The following HSD17B12 variants were observed in gnomAD, a reference collection of about 807,000 sequenced individuals.
HSD17B12 encodes the protein very-long-chain 3-oxoacyl-CoA reductase.
HSD17B12 carries 32 observed loss-of-function variants against 39.3 expected under a neutral mutation model. The ratio of observed to expected loss-of-function variants is 0.81; its 90% CI spans 0.61 to 1.09. The LOEUF (loss-of-function observed/expected upper bound fraction) is 1.09, where lower values mean the gene tolerates loss of function less well. HSD17B12 is among the 50% of genes least tolerant of loss of function. HSD17B12 has a pLI of 0.00. For synonymous variants in HSD17B12, 150 were observed against 146.7 expected, an observed-to-expected ratio of 1.02 and a Z score of -0.16; for missense variants, 342 against 382.9, an observed-to-expected ratio of 0.89 and a Z score of 0.89.
the HSD17B12 span, among the ~76,000 whole-genome samples, chr11:43,651,211 G>A: frequency 6.6e-6 from 1 of 152,202 alleles, no homozygotes; most frequent in African/African-American, 2.4e-5. Context: ...AGAAGAAAGG[G>A]AGAGGATAAT....
intron 1 of HSD17B12, among the ~76,000 whole-genome samples, chr11:43,704,160 T>G (rs1949992411): frequency 6.6e-6 from 1 of 152,208 alleles, no homozygotes; most frequent in African/African-American, 2.4e-5. Context: ...TTAGATTTCA[T>G]TTTCTTTAAG....
intron 3 of HSD17B12, among the ~76,000 whole-genome samples, chr11:43,759,162 A>G (rs986497002): frequency 6.6e-6 from 1 of 152,170 alleles, no homozygotes; most frequent in Non-Finnish European, 1.5e-5. Context: ...TGATGAGGAA[A>G]TTACTTGACA....
the HSD17B12 span, among the ~76,000 whole-genome samples, chr11:43,596,118 T>A: frequency 1.0e-3 from 157 of 152,284 alleles, no homozygotes; most frequent in African/African-American, 3.6e-3. Flanking sequence ...CTGAAACTCC[T>A]GGCCTCAGGC....
intron 1 of HSD17B12, among the ~76,000 whole-genome samples, chr11:43,696,446 C>A (rs1464385574): frequency 1.3e-5 from 2 of 152,186 alleles, no homozygotes; most frequent in Non-Finnish European, 1.5e-5. Context: ...TAGAGAAATG[C>A]AAATCAAAAC....
the HSD17B12 span, among the ~76,000 whole-genome samples, chr11:43,613,364 C>A: frequency 2.6e-5 from 4 of 151,518 alleles, no homozygotes; most frequent in African/African-American, 9.7e-5. Context: ...CGCACTCCAG[C>A]CTGGCTAACA....
the HSD17B12 span, among the ~76,000 whole-genome samples, chr11:43,588,477 G>A: frequency 2.6e-5 from 4 of 152,050 alleles, no homozygotes; most frequent in Admixed American, 6.5e-5. Flanking sequence ...TTATCTTCTC[G>A]ATTTCTTCAT....
intron 1 of HSD17B12, among the ~76,000 whole-genome samples, chr11:43,699,295 T>C (rs1949941052): frequency 6.6e-6 from 1 of 152,170 alleles, no homozygotes; most frequent in South Asian, 2.1e-4. Context: ...TAGAGTTCTT[T>C]TTCTTTAGCT....
At chr11:43,820,364 T>C (rs909959944) in intron 6 of HSD17B12, among the ~76,000 whole-genome samples, 1 of 152,222 alleles carries the variant, frequency 6.6e-6, no homozygotes, top group African/African-American at 2.4e-5. Flanking sequence ...TGACGAAATT[T>C]GTGTGACGCT....
chr11:43,577,212 G>T, the HSD17B12 span, among the ~76,000 whole-genome samples: 1 of 152,232 alleles, frequency 6.6e-6, no homozygotes, highest in African/African-American at 2.4e-5. Context: ...AGTTCCGTGC[G>T]CCAGGGGGCG....
At chr11:43,784,708 A>G (rs1399453136) in intron 3 of HSD17B12, among the ~76,000 whole-genome samples, 1 of 152,192 alleles carries the variant, frequency 6.6e-6, no homozygotes, top group Non-Finnish European at 1.5e-5. Context: ...TATTACTAGC[A>G]GTATACTTAC....
the HSD17B12 span, among the ~76,000 whole-genome samples, chr11:43,588,037 G>A: frequency 6.6e-6 from 1 of 152,220 alleles, no homozygotes; most frequent in Non-Finnish European, 1.5e-5. Context: ...AACAGACATG[G>A]ATAGGTCTGT....
At chr11:43,560,075 A>T in the HSD17B12 span, among the ~76,000 whole-genome samples, 3 of 152,218 alleles carry the variant, frequency 2.0e-5, no homozygotes, top group African/African-American at 7.2e-5. Flanking sequence ...TAAAAATTTT[A>T]AATTTTTAGC....
chr11:43,812,891 G>T (rs1051531533), intron 4 of HSD17B12, among the ~76,000 whole-genome samples: 5 of 152,156 alleles, frequency 3.3e-5, no homozygotes, highest in Non-Finnish European at 7.4e-5. Context: ...ACCCATGCTG[G>T]AGTGCAGTGG....
At chr11:43,758,822 C>T (rs144631326) in intron 3 of HSD17B12, among the ~76,000 whole-genome samples, 49 of 152,278 alleles carry the variant, frequency 3.2e-4, no homozygotes, top group African/African-American at 1.2e-3. Flanking sequence ...AATTAACAGC[C>T]AGGGTTAATT....
chr11:43,592,986 A>G, the HSD17B12 span, among the ~76,000 whole-genome samples: 3 of 152,186 alleles, frequency 2.0e-5, no homozygotes, highest in Non-Finnish European at 2.9e-5. Context: ...CTTGGAGAGG[A>G]CAGGGTACAG....
intron 3 of HSD17B12, among the ~76,000 whole-genome samples, chr11:43,792,352 G>A (rs927262248): frequency 2.6e-5 from 4 of 152,090 alleles, no homozygotes; most frequent in Non-Finnish European, 2.9e-5. Flanking sequence ...AAAAACGTGC[G>A]AGACATTTTT....
the HSD17B12 span, among the ~76,000 whole-genome samples, chr11:43,661,238 C>T: frequency 6.6e-6 from 1 of 152,150 alleles, no homozygotes; most frequent in African/African-American, 2.4e-5. Flanking sequence ...CATGATTCCA[C>T]TTATATGCAT....
At chr11:43,835,368 T>C (rs1205312006) in intron 7 of HSD17B12, among the ~76,000 whole-genome samples, 1 of 152,128 alleles carries the variant, frequency 6.6e-6, no homozygotes, top group African/African-American at 2.4e-5. Context: ...TCCCAAATGC[T>C]CAGCCCCGTT....
chr11:43,815,465 T>A lies in HSD17B12; in HGVS notation c.420T>A (p.Tyr140Ter). The A allele has an allele frequency of 6.3e-7, 1 of 1,581,974 alleles. No individual in the cohort carries two copies. The highest frequency in any genetic ancestry group is 8.6e-7 in the Non-Finnish European group (1 of 1,157,520). Reference sequence around the variant, plus strand: ...ACAACGTGGGAATGTCGTATGAGTATCCTGAATACTTTTTGGATGTTCCTG... The same window carrying A: ...ACAACGTGGGAATGTCGTATGAGTAACCTGAATACTTTTTGGATGTTCCTG... Reference protein sequence around the residue: ...LVNNVGMSYEYPEYFLDVPDL... With the variant: ...LVNNVGMSYE Residue 140 changes from tyrosine to a stop codon, truncating the protein, a stop_gained, in exon 5 of 11, where the codon TAT becomes TAA. Transcript: ENST00000278353. LOFTEE classifies it high-confidence loss of function.
Sources: allele counts gnomAD v4.1 joint callset (sites outside exome capture counted in the v4.1 genomes callset), GRCh38; gene constraint gnomAD v4.1.1; transcripts MANE v1.5; gene names NCBI Gene and HGNC (gene_info 2026-07-23, HGNC 2026-07-21).